Variants in ZNF540 observed in about 807,000 individuals in gnomAD.
ZNF540 encodes the protein zinc finger protein 540, also known as CTD-3064H18.6.
In ZNF540, 3 loss-of-function variants were observed where a neutral mutation model predicts 11.8. The observed-to-expected ratio is 0.25, with a 90% CI of 0.12 to 0.65. The LOEUF is 0.65. Ranked by LOEUF, ZNF540 falls within the 30% of genes least tolerant of loss-of-function variation. ZNF540 has a pLI of 0.83. For missense variants in ZNF540, 709 were observed against 793.1 expected (o/e 0.89, Z 1.27); for synonymous variants, 247 against 259.0 (o/e 0.95, Z 0.45).
At chr19:37,558,505 A>T (rs2042684816) in intron 1 of ZNF540, among the ~76,000 whole-genome samples, 1 of 152,002 alleles carries the variant, frequency 6.6e-6, no homozygotes, top group Non-Finnish European at 1.5e-5. Context: ...GCCTTAGACA[A>T]GTTTATGGGT....
rs1302819282 is a variant in ZNF540 at position 37,611,876 on chromosome 19, TC to T, written c.597del (p.Tyr200IlefsTer85). ...CKECGSTFNNVYQLTLHQKIH... is the reference protein window; with the variant it reads ...CKECGSTFNNXYQLTLHQKIH... ...GAATGTGGGAGTACTTTTAATAATGTCTATCAGCTTACTCTCCATCAGAAAA... is the reference window on the plus strand; with the variant it reads ...GAATGTGGGAGTACTTTTAATAATGTTATCAGCTTACTCTCCATCAGAAAA... On this transcript the variant is annotated frameshift_variant, in exon 5 of 5. Transcript: ENST00000316433. LOFTEE classifies it low-confidence loss of function (END_TRUNC). 5.0e-6 allele frequency: 8 copies of T among 1,613,768 alleles called. No homozygotes were observed. The East Asian group carries it at 1.8e-4, about 36-fold the overall frequency.
chr19:37,575,742 T>G (rs2043220527), intron 1 of ZNF540: 1 of 152,206 alleles, frequency 6.6e-6, no homozygotes, highest in African/African-American at 2.4e-5. Flanking sequence ...ACACTTGGTA[T>G]TTTTTAATTT....
At chr19:37,558,859 CAG>C (rs994136002) in intron 1 of ZNF540, among the ~76,000 whole-genome samples, 7 of 151,510 alleles carry the variant, frequency 4.6e-5, no homozygotes, top group African/African-American at 1.2e-4. Flanking sequence ...GAGAGAGAGA[CAG>C]AGAGAGAGTG....
At chr19:37,563,778 AT>A (rs2042755736) in intron 1 of ZNF540, 4 of 11,702 alleles carry the variant, frequency 3.4e-4, no homozygotes, top group African/African-American at 1.6e-3. Context: ...CACATGTGGA[AT>A]ATATGTATAT....
At chr19:37,590,657 A>G (rs1048877023), upstream of ZNF540, among the ~76,000 whole-genome samples, 5 of 152,200 alleles carry the variant, frequency 3.3e-5, no homozygotes, top group African/African-American at 1.2e-4. Context: ...AGAATTAGCA[A>G]ACAAAAAAGC....
rs111301134 is a variant in ZNF540 at position 37,568,064 on chromosome 19, C to T, written c.-73+16399C>T. 5.9e-3 allele frequency among the ~76,000 whole-genome samples: 890 copies of T among 152,056 alleles called. 10 individuals are homozygous for T. Among genetic ancestry groups the T allele is most frequent in the African/African-American group, 0.02 (839 of 41,456 alleles). ...ACACAATAAAGATCTTATATTATTCCGAAGAAAGAAGTTGAGAAACAAGTG... is the reference window on the plus strand; with the variant it reads ...ACACAATAAAGATCTTATATTATTCTGAAGAAAGAAGTTGAGAAACAAGTG... On this transcript the variant is annotated intron_variant, in intron 1 of 4. Coordinates refer to the ZNF540 transcript ENST00000592533.
chr19:37,569,761 T>A lies in ZNF540; in HGVS notation c.-73+18096T>A, dbSNP rs763673935. 6.6e-6 allele frequency: 1 copy of A among 152,332 alleles called. No homozygotes were observed. The highest frequency in any genetic ancestry group is 1.5e-5 in the Non-Finnish European group (1 of 68,116). The allele number at this position is 152,332 out of a possible 1,614,324, so 9.4% of individuals were successfully genotyped here. On this transcript the variant is annotated intron_variant, in intron 1 of 4. Transcript: ENST00000592533. The surrounding 1 kb of genome is among the most constrained non-coding windows in gnomAD (Gnocchi z 4.4). ...ATACAAACCAAGCTCCATCCTCCTA[T>A]GGCCTGCAGTACACTGTTACTTCTG...
intron 1 of ZNF540, among the ~76,000 whole-genome samples, chr19:37,572,766 A>T (rs894710942): frequency 6.6e-6 from 1 of 152,126 alleles, no homozygotes; most frequent in Non-Finnish European, 1.5e-5. Flanking sequence ...AAAATTAATT[A>T]ATTTCTTCTG....
Position 37,612,998 on chromosome 19 carries a change from A to C in ZNF540, c.1718A>C (p.His573Pro). 6.2e-7 allele frequency: 1 copy of C among 1,614,210 alleles called. No homozygotes were observed. Among genetic ancestry groups the C allele is most frequent in the Non-Finnish European group, 8.5e-7 (1 of 1,180,012 alleles). Residue 573 changes from histidine to proline, a missense_variant, in exon 5 of 5, where the codon CAT (histidine) becomes CCT (proline). By Grantham distance (77) the His-to-Pro change is moderately conservative. Coordinates refer to ENST00000316433, the MANE Select transcript of ZNF540 (RefSeq NM_001172225.3). ...CAGTTCACTGAACATCAGAAAATTC[A>C]TACGGGTGTAAAACCATACAAATGT... ...RGQFTEHQKI[H>P]TGVKPYKCKE...
At chr19:37,562,028 A>G (rs979647904) in intron 1 of ZNF540, among the ~76,000 whole-genome samples, 7 of 152,214 alleles carry the variant, frequency 4.6e-5, no homozygotes, top group African/African-American at 1.7e-4. Flanking sequence ...TTATAATCAT[A>G]CACTATATAC....
chr19:37,613,198 TGTAG>T lies in ZNF540; in HGVS notation c.1919_1922del (p.Cys640Ter). 1 of 1,594,996 alleles carries T rather than the reference TGTAG, an allele frequency of 6.3e-7. No homozygotes were observed. Among genetic ancestry groups the T allele is most frequent in the Non-Finnish European group, 8.5e-7 (1 of 1,170,458 alleles). On this transcript the variant is annotated frameshift_variant, in exon 5 of 5. Transcript: ENST00000316433. LOFTEE classifies it low-confidence loss of function (END_TRUNC). ...TGAGAAACCCTATGAGTGTAAGGTA[TGTAG>T]AAAGGCCTTTAGACAATATTCACAT...
rs114707086 is a variant in ZNF540 at position 37,578,695 on chromosome 19, G to A, written c.-72-19681G>A. On this transcript the variant is annotated intron_variant, in intron 1 of 4. Transcript: ENST00000592533. ...GCGACCCTGTCCCCACCTGAACTCT[G>A]CAGGCAGGCACAGCTCCACATTCCC... Among the ~76,000 whole-genome samples, 573 of 150,796 alleles carry A rather than the reference G, an allele frequency of 3.8e-3. 3 individuals carry two copies. The highest frequency in any genetic ancestry group is 0.013 in the African/African-American group (536 of 40,958).
At chr19:37,588,533 C>T (rs2043760972) in intron 1 of ZNF540, among the ~76,000 whole-genome samples, 1 of 152,200 alleles carries the variant, frequency 6.6e-6, no homozygotes, top group South Asian at 2.1e-4. Context: ...AAGATGAGAA[C>T]ATGGACACTG....
intron 1 of ZNF540, chr19:37,586,488 A>G (rs1265602083): frequency 3.0e-6 from 2 of 657,732 alleles, no homozygotes; most frequent in East Asian, 5.4e-5. Flanking sequence ...AACTGTTTGG[A>G]GAGGGGAAAA....
In ZNF540 at chr19:37,611,944, A is replaced by C. The variant is rs2147235500; in HGVS notation, c.664A>C (p.Lys222Gln). Reference protein sequence around the residue: ...EKSCKCEKCGKVFSHSYQLTL... With the variant: ...EKSCKCEKCGQVFSHSYQLTL... ...ATCCTGTAAATGTGAGAAATGTGGG[A>C]AAGTTTTTAGTCATAGCTATCAACT... The change falls in exon 5 of 5, where the codon AAA becomes CAA. Residue 222 changes from lysine (K) to glutamine (Q), a missense_variant. Coordinates refer to ENST00000316433, the MANE Select transcript of ZNF540 (RefSeq NM_001172225.3). 2 of 1,613,682 alleles carry C rather than the reference A, an allele frequency of 1.2e-6. No homozygotes were observed. Among genetic ancestry groups the C allele is most frequent in the African/African-American group, 1.3e-5 (1 of 75,046 alleles).
chr19:37,572,155 TA>T (rs2043083073), intron 1 of ZNF540, among the ~76,000 whole-genome samples: 1 of 152,168 alleles, frequency 6.6e-6, no homozygotes, highest in Admixed American at 6.6e-5. Flanking sequence ...CCCTATCACT[TA>T]ACTCCAAAAT....
At chr19:37,608,607 G>T (rs576939887) in intron 4 of ZNF540, among the ~76,000 whole-genome samples, 61 of 151,938 alleles carry the variant, frequency 4.0e-4, no homozygotes, top group African/African-American at 1.4e-3. Flanking sequence ...AGGTGAACAT[G>T]ATGTACTGGG....
At chr19:37,595,898 G>A (rs548942403) in intron 1 of ZNF540, among the ~76,000 whole-genome samples, 5 of 152,164 alleles carry the variant, frequency 3.3e-5, no homozygotes, top group Admixed American at 3.3e-4. Context: ...GTACAACCTG[G>A]AGCATTAATT....
chr19:37,561,239 A>G (rs2042714434), intron 1 of ZNF540, among the ~76,000 whole-genome samples: 1 of 152,222 alleles, frequency 6.6e-6, no homozygotes, highest in South Asian at 2.1e-4. Context: ...TCTAAACAAA[A>G]AAAGACAAAA....
Sources: gnomAD v4.1 joint callset for allele counts (sites outside exome capture counted in the v4.1 genomes callset) on GRCh38, gnomAD v4.1.1 for gene constraint, Gnocchi (gnomAD v3.1) non-coding constraint, MANE v1.5 for transcripts, NCBI Gene and HGNC (gene_info 2026-07-23, HGNC 2026-07-21) for gene names.